The following EML5 variants were observed in gnomAD, a reference collection of about 807,000 sequenced individuals.
The protein encoded by EML5 is echinoderm microtubule-associated protein-like 5.
EML5 carries 120 observed loss-of-function variants against 250.0 expected under a neutral mutation model. The observed-to-expected ratio is 0.48, with a 90% CI of 0.41 to 0.56. The LOEUF (loss-of-function observed/expected upper bound fraction) is 0.56. EML5 is among the 20% of genes least tolerant of loss of function. EML5 has a pLI of 0.00. For synonymous variants in EML5, 771 were observed against 806.5 expected, an observed-to-expected ratio of 0.96 and a Z score of 0.75; for missense variants, 2,006 against 2,437.6, an observed-to-expected ratio of 0.82 and a Z score of 3.73.
rs2140899156 is a variant in EML5 at position 88,657,447 on chromosome 14, T to C, written c.3933A>G (p.Leu1311=). ...CTAACATTGGGCGAATATTTGTTGA[T>C]AAGGCTCTGATGGTGTAACTGATTT... The part of the protein sequence containing the change: ...ENEISYTIRA[L]STNIRPMLGI... Residue 1311 remains leucine (L), a synonymous_variant, in exon 27 of 44, where the codon TTA becomes TTG. Coordinates refer to ENST00000554922, the MANE Select transcript of EML5 (RefSeq NM_183387.3). 1 of 1,605,528 alleles carries C rather than the reference T, an allele frequency of 6.2e-7. No individual in the cohort carries two copies. Among genetic ancestry groups the C allele is most frequent in the Non-Finnish European group, 8.5e-7 (1 of 1,175,616 alleles).
chr14:88,770,371 C>T (rs1303712347), intron 1 of EML5, among the ~76,000 whole-genome samples: 2 of 152,136 alleles, frequency 1.3e-5, no homozygotes, highest in African/African-American at 2.4e-5. Context: ...TTTTACCTCT[C>T]ACCTTTTAAA....
intron 21 of EML5, among the ~76,000 whole-genome samples, chr14:88,669,061 G>A (rs754721946): frequency 6.6e-5 from 10 of 152,202 alleles, no homozygotes; most frequent in Non-Finnish European, 1.3e-4. Context: ...CAGCCCACCT[G>A]GGAGCTGCAC....
At chr14:88,616,497 T>G (rs2087641132) in intron 42 of EML5, 2 of 601,974 alleles carry the variant, frequency 3.3e-6, no homozygotes, top group Non-Finnish European at 5.7e-6. Context: ...TGATTATAGG[T>G]TTGGTGAAAA....
At chr14:88,704,449 T>C (rs1159605998) in intron 13 of EML5, among the ~76,000 whole-genome samples, 1 of 152,132 alleles carries the variant, frequency 6.6e-6, no homozygotes, top group Non-Finnish European at 1.5e-5. Context: ...AGGTATTCCT[T>C]TATAGCAATG....
chr14:88,697,195 T>C (rs942243018), intron 14 of EML5, among the ~76,000 whole-genome samples: 5 of 152,222 alleles, frequency 3.3e-5, no homozygotes, highest in Non-Finnish European at 7.3e-5. Flanking sequence ...ACTTTTATCA[T>C]ATATTTCATC....
intron 27 of EML5, among the ~76,000 whole-genome samples, chr14:88,651,158 T>A (rs1014486508): frequency 6.8e-6 from 1 of 146,436 alleles, no homozygotes; most frequent in Admixed American, 6.8e-5. Flanking sequence ...CATTTTCTTT[T>A]TTTTTTTTTT....
intron 19 of EML5, among the ~76,000 whole-genome samples, chr14:88,686,329 C>G (rs1307533150): frequency 6.6e-6 from 1 of 151,878 alleles, no homozygotes; most frequent in Non-Finnish European, 1.5e-5. Flanking sequence ...GTGCAGCACA[C>G]CAACATGGCA....
intron 7 of EML5, among the ~76,000 whole-genome samples, chr14:88,733,838 C>T (rs989744146): frequency 3.3e-5 from 5 of 151,982 alleles, no homozygotes; most frequent in African/African-American, 1.2e-4. Context: ...AAAATATAAC[C>T]ACTAATGTAC....
At chr14:88,765,691 A>G (rs1039158046) in intron 1 of EML5, among the ~76,000 whole-genome samples, 53 of 152,326 alleles carry the variant, frequency 3.5e-4, no homozygotes, top group African/African-American at 1.3e-3. Context: ...GAATTAGAGT[A>G]TGGATATCTT....
Position 88,616,260 on chromosome 14 carries a change from A to G in EML5, c.5797-18T>C. ...TGTTTTGCCTAAAAAACAATGACAG[A>G]CAAGCTCAGGGCATTTGGTGCACAC... is the stretch of plus-strand genomic sequence containing the variant. On this transcript the variant is annotated intron_variant, in intron 42 of 43. Coordinates refer to ENST00000554922, the MANE Select transcript of EML5 (RefSeq NM_183387.3). The G allele has an allele frequency of 6.2e-7, 1 of 1,611,856 alleles. No homozygotes were observed. The highest frequency in any genetic ancestry group is 1.3e-5 in the African/African-American group (1 of 75,006).
At chr14:88,754,778 T>TA in intron 1 of EML5, 107 bp from the exon 2 acceptor site, 1 of 949,978 alleles carries the variant, frequency 1.1e-6, no homozygotes, top group South Asian at 1.6e-5. Flanking sequence ...CATTAGACTT[T>TA]ATCCACTTTA....
At position 88,726,549 on chromosome 14, in the gene EML5, A is replaced by T; in HGVS notation, c.1179T>A (p.Leu393=). 8.7e-6 allele frequency: 14 copies of T among 1,605,864 alleles called. No individual in the cohort carries two copies. Among genetic ancestry groups the T allele is most frequent in the Non-Finnish European group, 1.1e-5 (13 of 1,175,868 alleles). The change falls in exon 8 of 44, where the codon CTT becomes CTA. Residue 393 remains leucine (L), a synonymous_variant. Transcript: ENST00000554922. ...LGMKDGSFTV[L]RVRDMTEVVH... ...CTACCCTAATACCATACCTTACTCT[A>T]AGTACAGTGAATGAGCCATCCTTCA... is the stretch of plus-strand genomic sequence containing the variant.
At chr14:88,751,166 A>G (rs1430894583) in intron 2 of EML5, among the ~76,000 whole-genome samples, 1 of 152,186 alleles carries the variant, frequency 6.6e-6, no homozygotes, top group Non-Finnish European at 1.5e-5. Flanking sequence ...ATTACGCAAC[A>G]ACAGACAGGA....
intron 42 of EML5, chr14:88,616,446 G>T: frequency 1.6e-6 from 1 of 617,832 alleles, no homozygotes; most frequent in African/African-American, 1.8e-5. Flanking sequence ...CAGGTACTCT[G>T]ACCATTTTTC....
rs992763832 is a variant in EML5 at position 88,618,634 on chromosome 14, A to T, written c.5538+16T>A. On this transcript the variant is annotated intron_variant, in intron 40 of 43. Coordinates refer to ENST00000554922, the MANE Select transcript of EML5 (RefSeq NM_183387.3). The stretch of plus-strand genomic sequence containing the variant: ...AGAAGAACTTGCCACCTGGGTATAC[A>T]GTATTGGTACTGTACCTGGAGATAA... 6.3e-7 allele frequency: 1 copy of T among 1,598,140 alleles called. No homozygotes were observed. The highest frequency in any genetic ancestry group is 1.8e-5 in the Admixed American group (1 of 56,832).
intron 1 of EML5, among the ~76,000 whole-genome samples, chr14:88,764,297 T>C (rs1190630538): frequency 6.6e-6 from 1 of 152,214 alleles, no homozygotes; most frequent in Non-Finnish European, 1.5e-5. Flanking sequence ...TCTTCTATTT[T>C]CTATAAGCAA....
chr14:88,658,455 T>C, intron 25 of EML5, 67 bp from the exon 26 acceptor site: 1 of 1,268,876 alleles, frequency 7.9e-7, no homozygotes, highest in Non-Finnish European at 1.1e-6. Context: ...TCCATTATGA[T>C]TTTGAATTTT....
Position 88,625,109 on chromosome 14 carries a change from C to G in EML5, c.4759G>C (p.Gly1587Arg). The change falls in exon 36 of 44, where the codon GGT becomes CGT. Residue 1587 changes from glycine to arginine, a missense_variant. Coordinates refer to ENST00000554922, the MANE Select transcript of EML5 (RefSeq NM_183387.3). The part of the protein sequence containing the change: ...AFGANNLTFT[G>R]TISGDVCVWK... ...ACACAGACATCACCACTGATGGTAC[C>G]TGTAAACGTCAAGTTATTCTGAAAA... The G allele has an allele frequency of 6.2e-7, 1 of 1,613,678 alleles. No homozygotes were observed. The highest frequency in any genetic ancestry group is 8.5e-7 in the Non-Finnish European group (1 of 1,179,802).
Position 88,766,478 on chromosome 14 carries a change from G to A in EML5, c.198-11807C>T, listed in dbSNP as rs188969854. On this transcript the variant is annotated intron_variant, in intron 1 of 43. Coordinates refer to ENST00000554922, the MANE Select transcript of EML5 (RefSeq NM_183387.3). Reference sequence around the variant, plus strand: ...GAAATAAGCCCCGGTCTCCCATAGCGCTCCCAGGCTTATTGGGACGAGGAA... The same window carrying A: ...GAAATAAGCCCCGGTCTCCCATAGCACTCCCAGGCTTATTGGGACGAGGAA... 5.9e-3 allele frequency among the ~76,000 whole-genome samples: 893 copies of A among 152,158 alleles called. 17 individuals carry two copies. Among genetic ancestry groups the A allele is most frequent in the African/African-American group, 0.021 (866 of 41,530 alleles).
Sources: gnomAD v4.1 joint callset for allele counts (sites outside exome capture counted in the v4.1 genomes callset) on GRCh38, gnomAD v4.1.1 for gene constraint, MANE v1.5 for transcripts, NCBI Gene and HGNC (gene_info 2026-07-23, HGNC 2026-07-21) for gene names.